Variants in GRIN2B observed in about 807,000 individuals in gnomAD.
The protein encoded by GRIN2B is glutamate receptor ionotropic, NMDA 2B.
A neutral mutation model predicts 114.5 loss-of-function variants in GRIN2B; 5 were observed. The observed-to-expected ratio is 0.04, with a 90% CI of 0.02 to 0.09. GRIN2B has a LOEUF of 0.09. Among genes scored for constraint, GRIN2B ranks in the 10% least tolerant of loss-of-function variants. The pLI is 1.00. For missense variants in GRIN2B, 1,108 were observed against 1,943.5 expected, an observed-to-expected ratio of 0.57 and a Z score of 8.08; for synonymous variants, 787 against 745.1, an observed-to-expected ratio of 1.06 and a Z score of -0.92.
rs1487643534 is a variant in GRIN2B at position 13,554,220 on chromosome 12, C to T, written c.*8563G>A. ...TGAACACAGGGAGCTTATGCTGTAGCAGGAGAGATGAGATGTATAACCAAA... is the reference window on the plus strand; with the variant it reads ...TGAACACAGGGAGCTTATGCTGTAGTAGGAGAGATGAGATGTATAACCAAA... On this transcript the variant is annotated 3_prime_UTR_variant, in exon 14 of 14. Transcript: ENST00000609686. 2 of 152,070 alleles carry T rather than the reference C, an allele frequency of 1.3e-5. No homozygotes were observed. The highest frequency in any genetic ancestry group is 2.9e-5 in the Non-Finnish European group (2 of 68,016). 9.4% of individuals were successfully genotyped at this position (152,070 alleles called of 1,614,324 possible).
chr12:13,673,494 T>A (rs1348119002), intron 5 of GRIN2B, among the ~76,000 whole-genome samples: 1 of 152,066 alleles, frequency 6.6e-6, no homozygotes, highest in African/African-American at 2.4e-5. Context: ...GGAAGCTCAT[T>A]CTGGCAGCCA....
intron 3 of GRIN2B, among the ~76,000 whole-genome samples, chr12:13,756,822 T>C (rs16909451): frequency 0.017 from 2,604 of 152,312 alleles, 82 homozygotes; most frequent in African/African-American, 0.06. Context: ...ATGGGCTTTG[T>C]TAATTAGATT....
At chr12:13,712,406 T>A (rs996799884) in intron 4 of GRIN2B, among the ~76,000 whole-genome samples, 1 of 143,146 alleles carries the variant, frequency 7.0e-6, no homozygotes, top group Non-Finnish European at 1.5e-5. Flanking sequence ...TAAAATAAAA[T>A]ATATTATTAA....
chr12:13,778,137 C>T lies in GRIN2B; in HGVS notation c.412-24222G>A, dbSNP rs576730031. ...CCATGGTTGTTCCACACCTCTGACCCGCTCCTTTCTTCCTCAATTGTCCTC... is the reference window on the plus strand; with the variant it reads ...CCATGGTTGTTCCACACCTCTGACCTGCTCCTTTCTTCCTCAATTGTCCTC... On this transcript the variant is annotated intron_variant, in intron 3 of 13. Coordinates refer to ENST00000609686, the MANE Select transcript of GRIN2B (RefSeq NM_000834.5). Among the ~76,000 whole-genome samples, 61 of 152,258 alleles carry T rather than the reference C, an allele frequency of 4.0e-4. No individual in the cohort carries two copies. In the South Asian group the frequency reaches 0.011, roughly 27 times the overall value.
At chr12:13,784,302 T>C (rs1864183458) in intron 3 of GRIN2B, among the ~76,000 whole-genome samples, 1 of 147,678 alleles carries the variant, frequency 6.8e-6, no homozygotes, top group Admixed American at 6.8e-5. Flanking sequence ...TCTGTCTCCC[T>C]GCTAAATAGG....
chr12:13,826,237 G>A (rs1210268414), intron 3 of GRIN2B, among the ~76,000 whole-genome samples: 1 of 152,058 alleles, frequency 6.6e-6, no homozygotes, highest in Non-Finnish European at 1.5e-5. Flanking sequence ...TTGGGAGGCC[G>A]AGGTGGGCGG....
intron 2 of GRIN2B, among the ~76,000 whole-genome samples, chr12:13,923,232 T>C (rs1298262872): frequency 6.6e-6 from 1 of 152,198 alleles, no homozygotes; most frequent in Non-Finnish European, 1.5e-5. Flanking sequence ...TTTTCAGACA[T>C]TAGTGTAAGA....
chr12:13,825,506 G>GTGTGTGTGTA (rs1222251789), intron 3 of GRIN2B, among the ~76,000 whole-genome samples: 4 of 129,482 alleles, frequency 3.1e-5, no homozygotes, highest in Non-Finnish European at 5.0e-5. Flanking sequence ...TTGTGTGTGT[G>GTGTGTGTGTA]TGTGTGTGTG....
At chr12:13,752,748 G>T (rs1196379143) in intron 4 of GRIN2B, among the ~76,000 whole-genome samples, 1 of 152,174 alleles carries the variant, frequency 6.6e-6, no homozygotes, top group African/African-American at 2.4e-5. Flanking sequence ...AGGAGGAAGA[G>T]ACAAAAACCA....
In GRIN2B at chr12:13,539,951, C is replaced by T. The variant is rs1948256264; in HGVS notation, c.*22832G>A. The stretch of plus-strand genomic sequence containing the variant: ...GGTATTGTTAAACTAAAAAAGAGTC[C>T]TTAGTAAAAGAGATATATACTGTAA... On this transcript the variant is annotated 3_prime_UTR_variant, in exon 14 of 14. Coordinates refer to ENST00000609686, the MANE Select transcript of GRIN2B (RefSeq NM_000834.5). 2 of 152,088 alleles carry T rather than the reference C, an allele frequency of 1.3e-5. No homozygotes were observed. The highest frequency in any genetic ancestry group is 2.9e-5 in the Non-Finnish European group (2 of 68,026). The allele number at this position is 152,088 out of a possible 1,614,324, so 9.4% of individuals were successfully genotyped here.
intron 5 of GRIN2B, among the ~76,000 whole-genome samples, chr12:13,650,646 C>T (rs1260390190): frequency 1.3e-5 from 2 of 152,052 alleles, no homozygotes; most frequent in East Asian, 3.9e-4. Flanking sequence ...TCAGTAACTC[C>T]TAATCCATCT....
At chr12:13,876,211 G>C (rs549503341) in intron 2 of GRIN2B, among the ~76,000 whole-genome samples, 1 of 152,234 alleles carries the variant, frequency 6.6e-6, no homozygotes, top group East Asian at 1.9e-4. Context: ...TCTTGGGCGG[G>C]GGAAGGAAGA....
chr12:13,929,790 A>G (rs1354795697), intron 2 of GRIN2B, among the ~76,000 whole-genome samples: 2 of 152,244 alleles, frequency 1.3e-5, no homozygotes, highest in African/African-American at 4.8e-5. Context: ...TCTGCAAAAT[A>G]AAGCACCCTA....
intron 5 of GRIN2B, among the ~76,000 whole-genome samples, chr12:13,663,817 G>A (rs1949948217): frequency 6.6e-6 from 1 of 152,094 alleles, no homozygotes; most frequent in Non-Finnish European, 1.5e-5. Flanking sequence ...CCATTTTCCT[G>A]TTTTCTAGAA....
At chr12:13,866,897 T>C (rs942733161) in intron 2 of GRIN2B, among the ~76,000 whole-genome samples, 2 of 152,212 alleles carry the variant, frequency 1.3e-5, no homozygotes, top group Non-Finnish European at 2.9e-5. Flanking sequence ...AAAACATTAT[T>C]ATCACCATTT....
chr12:13,863,860 T>TGA (rs1865785207), intron 3 of GRIN2B, among the ~76,000 whole-genome samples: 1 of 152,232 alleles, frequency 6.6e-6, no homozygotes, highest in Non-Finnish European at 1.5e-5. Context: ...TTACCTGTTG[T>TGA]GCTCTCAAAG....
At chr12:13,906,117 C>T (rs1020573181) in intron 2 of GRIN2B, among the ~76,000 whole-genome samples, 6 of 152,166 alleles carry the variant, frequency 3.9e-5, no homozygotes, top group African/African-American at 9.7e-5. Flanking sequence ...CTTCTTATAG[C>T]AATTTGATGG....
At chr12:13,698,273 C>T (rs1236186004) in intron 4 of GRIN2B, among the ~76,000 whole-genome samples, 2 of 152,242 alleles carry the variant, frequency 1.3e-5, no homozygotes, top group Non-Finnish European at 2.9e-5. Context: ...GTCTCCAAAT[C>T]CCAGCAAATC....
At position 13,539,796 on chromosome 12, in the gene GRIN2B, T is replaced by C. The variant is rs1948254553; in HGVS notation, c.*22987A>G. The stretch of plus-strand genomic sequence containing the variant: ...AATACATTTGAGAAATAGCAACTAA[T>C]TGTATGGACCTTATGACTTATGGGA... On this transcript the variant is annotated 3_prime_UTR_variant, in exon 14 of 14. Coordinates refer to ENST00000609686, the MANE Select transcript of GRIN2B (RefSeq NM_000834.5). 6.6e-6 allele frequency: 1 copy of C among 151,776 alleles called. No homozygotes were observed. The highest frequency in any genetic ancestry group is 2.4e-5 in the African/African-American group (1 of 41,398). The allele number at this position is 151,776 out of a possible 1,614,324, so 9.4% of individuals were successfully genotyped here.
Sources: allele counts gnomAD v4.1 joint callset (sites outside exome capture counted in the v4.1 genomes callset), GRCh38; gene constraint gnomAD v4.1.1; transcripts MANE v1.5; gene names NCBI Gene and HGNC (gene_info 2026-07-23, HGNC 2026-07-21).